NCOA1: variants seen among roughly 807,000 people sequenced by gnomAD.
The protein encoded by NCOA1 is nuclear receptor coactivator 1.
A neutral mutation model predicts 150.9 loss-of-function variants in NCOA1; 35 were observed. The ratio of observed to expected loss-of-function variants is 0.23; its 90% CI spans 0.18 to 0.31. NCOA1 has a LOEUF of 0.31. Among genes scored for constraint, NCOA1 ranks in the 10% least tolerant of loss-of-function variants. The pLI is 1.00. For synonymous variants in NCOA1, 590 were observed against 630.0 expected (o/e 0.94, Z 0.95); for missense variants, 1,491 against 1,749.3 (o/e 0.85, Z 2.63).
At chr2:24,548,002 A>AG (rs1665672565) in intron 1 of NCOA1, among the ~76,000 whole-genome samples, 2 of 151,548 alleles carry the variant, frequency 1.3e-5, no homozygotes, top group Admixed American at 1.3e-4. Context: ...AAAAAAAAAA[A>AG]AAAAAAGGAT....
chr2:24,731,310 A>G (rs1204427019), intron 17 of NCOA1, among the ~76,000 whole-genome samples: 2 of 152,176 alleles, frequency 1.3e-5, no homozygotes, highest in Non-Finnish European at 1.5e-5. Context: ...CCTTAATCAA[A>G]TGATTTACCT....
chr2:24,518,907 G>A (rs1485393483), intron 1 of NCOA1, among the ~76,000 whole-genome samples: 1 of 152,138 alleles, frequency 6.6e-6, no homozygotes, highest in Non-Finnish European at 1.5e-5. Context: ...CAAGTGTTCT[G>A]TGTGTACTAT....
intron 14 of NCOA1, among the ~76,000 whole-genome samples, chr2:24,724,389 G>A (rs898064652): frequency 2.0e-5 from 3 of 152,092 alleles, no homozygotes; most frequent in African/African-American, 7.2e-5. Context: ...GAAGAAATAC[G>A]TGAAGCATAC....
At chr2:24,586,051 G>C (rs1032699707) in intron 3 of NCOA1, among the ~76,000 whole-genome samples, 4 of 151,908 alleles carry the variant, frequency 2.6e-5, no homozygotes, top group Non-Finnish European at 5.9e-5. Flanking sequence ...GAGGCGGGTG[G>C]ATCACCTGAG....
chr2:24,501,352 C>T (rs1449042465), intron 1 of NCOA1, among the ~76,000 whole-genome samples: 1 of 151,996 alleles, frequency 6.6e-6, no homozygotes, highest in African/African-American at 2.4e-5. Flanking sequence ...TGTTATATTA[C>T]AAAGTATGAA....
intron 1 of NCOA1, among the ~76,000 whole-genome samples, chr2:24,516,350 G>T (rs1367981814): frequency 6.6e-6 from 1 of 151,480 alleles, no homozygotes; most frequent in Non-Finnish European, 1.5e-5. Flanking sequence ...CCGCTACCAC[G>T]CCTGGCTAAT....
intron 7 of NCOA1, among the ~76,000 whole-genome samples, chr2:24,681,739 G>A (rs371028099): frequency 3.3e-4 from 50 of 150,718 alleles, no homozygotes; most frequent in African/African-American, 1.2e-3. Flanking sequence ...CGGAGTCTTG[G>A]AGTCTTGCTC....
chr2:24,672,597 A>G (rs758845135), intron 6 of NCOA1, among the ~76,000 whole-genome samples: 26 of 152,092 alleles, frequency 1.7e-4, no homozygotes, highest in Admixed American at 1.4e-3. Context: ...AGGACTCGCT[A>G]TGTTGCCCAG....
At chr2:24,734,648 C>T (rs1663197732) in intron 17 of NCOA1, among the ~76,000 whole-genome samples, 1 of 151,656 alleles carries the variant, frequency 6.6e-6, no homozygotes, top group African/African-American at 2.4e-5. Flanking sequence ...TAAAAAAAAC[C>T]AAAAAACAAA....
intron 3 of NCOA1, among the ~76,000 whole-genome samples, chr2:24,620,475 A>G (rs1050529660): frequency 8.5e-5 from 13 of 152,118 alleles, no homozygotes; most frequent in African/African-American, 3.1e-4. Flanking sequence ...GTGGTGGTGC[A>G]TGCCTGTAAT....
chr2:24,708,022 G>A, intron 13 of NCOA1, 134 bp downstream of exon 13: 6 of 1,158,440 alleles, frequency 5.2e-6, no homozygotes, highest in South Asian at 1.9e-5. Flanking sequence ...TAAGAGGTTA[G>A]TATCAATAAC....
At chr2:24,686,416 CA>C (rs1267689004) in intron 8 of NCOA1, among the ~76,000 whole-genome samples, 10 of 152,114 alleles carry the variant, frequency 6.6e-5, no homozygotes, top group Admixed American at 6.5e-5. Flanking sequence ...TAAACATTAT[CA>C]GGGGCATTTA....
intron 20 of NCOA1, 92 bp from the exon 21 acceptor site, chr2:24,757,881 A>T: frequency 8.4e-7 from 1 of 1,185,002 alleles, no homozygotes; most frequent in African/African-American, 1.5e-5. Flanking sequence ...CAATTTAAGG[A>T]TGTAACATAT....
chr2:24,591,266 C>T (rs1404037132), intron 3 of NCOA1, among the ~76,000 whole-genome samples: 1 of 152,070 alleles, frequency 6.6e-6, no homozygotes, highest in African/African-American at 2.4e-5. Context: ...TTAAGTAAAA[C>T]ATAATAATAA....
intron 17 of NCOA1, among the ~76,000 whole-genome samples, chr2:24,732,233 GT>G (rs1463568343): frequency 6.6e-6 from 1 of 152,226 alleles, no homozygotes; most frequent in Admixed American, 6.5e-5. Context: ...ATAAGTGAAA[GT>G]TGCTGCTCTT....
At chr2:24,575,945 A>T in intron 2 of NCOA1, among the ~76,000 whole-genome samples, 1 of 151,994 alleles carries the variant, frequency 6.6e-6, no homozygotes, top group East Asian at 1.9e-4. Context: ...ATGCCCTTTA[A>T]GACTTGTTTT....
chr2:24,532,345 GATA>G (rs1356855795), intron 1 of NCOA1, among the ~76,000 whole-genome samples: 1 of 152,096 alleles, frequency 6.6e-6, no homozygotes, highest in Admixed American at 6.5e-5. Flanking sequence ...GTAGATTCTG[GATA>G]TTAGCCCTTT....
intron 1 of NCOA1, among the ~76,000 whole-genome samples, chr2:24,511,302 A>C (rs1326602916): frequency 2.0e-5 from 3 of 152,198 alleles, no homozygotes; most frequent in Non-Finnish European, 4.4e-5. Context: ...TCTTGAGTAT[A>C]TGAATTGCGG....
At chr2:24,700,236 T>TA (rs1673098620) in intron 11 of NCOA1, among the ~76,000 whole-genome samples, 2 of 151,572 alleles carry the variant, frequency 1.3e-5, no homozygotes, top group African/African-American at 4.8e-5. Context: ...AGAGAGGTGT[T>TA]ATTTGCATTT....
Sources: allele counts gnomAD v4.1 joint callset (sites outside exome capture counted in the v4.1 genomes callset), GRCh38; gene constraint gnomAD v4.1.1; transcripts MANE v1.5; gene names NCBI Gene and HGNC (gene_info 2026-07-23, HGNC 2026-07-21).